The following ANXA11 variants were observed in gnomAD, a reference collection of about 807,000 sequenced individuals.
ANXA11 encodes annexin A11, also known as 56 kDa autoantigen.
Under a neutral mutation model 64.7 loss-of-function variants are expected in ANXA11, and 57 were observed. The ratio of observed to expected loss-of-function variants is 0.88; its 90% CI spans 0.71 to 1.10. The LOEUF (loss-of-function observed/expected upper bound fraction) is 1.10. Among genes scored for constraint, ANXA11 ranks in the 50% least tolerant of loss-of-function variants. ANXA11 has a pLI of 0.00. For missense variants in ANXA11, 675 were observed against 670.7 expected, an observed-to-expected ratio of 1.01 and a Z score of -0.07; for synonymous variants, 260 against 265.2, an observed-to-expected ratio of 0.98 and a Z score of 0.19.
At chr10:80,204,815 G>C (rs776923732) in intron 1 of ANXA11, 5 of 152,272 alleles carry the variant, frequency 3.3e-5, no homozygotes, top group Non-Finnish European at 7.3e-5. Flanking sequence ...ACACTGGGGA[G>C]AGTTCCTTAC....
intron 1 of ANXA11, among the ~76,000 whole-genome samples, chr10:80,202,128 C>G (rs936487280): frequency 1.4e-5 from 2 of 145,584 alleles, no homozygotes; most frequent in Non-Finnish European, 3.0e-5. Flanking sequence ...TCTCAAACCC[C>G]TTTGCAAACA....
intron 1 of ANXA11, among the ~76,000 whole-genome samples, chr10:80,203,582 C>T (rs767692959): frequency 2.6e-5 from 4 of 152,178 alleles, no homozygotes; most frequent in Non-Finnish European, 5.9e-5. Context: ...CTGAGTGCTG[C>T]CACCAAGAGG....
At chr10:80,168,671 C>G (rs2132409866) in intron 5 of ANXA11, among the ~76,000 whole-genome samples, 1 of 152,136 alleles carries the variant, frequency 6.6e-6, no homozygotes, top group Admixed American at 6.5e-5. Flanking sequence ...GTAGCTGGGC[C>G]TACAGGTATG....
chr10:80,168,863 C>G, intron 5 of ANXA11, 106 bp downstream of exon 5: 7 of 1,253,686 alleles, frequency 5.6e-6, no homozygotes, highest in Non-Finnish European at 7.4e-6. Flanking sequence ...ACAAGAAGTG[C>G]AGCTGGAGGC....
chr10:80,183,095 G>T (rs1846414339), intron 1 of ANXA11, among the ~76,000 whole-genome samples: 1 of 152,216 alleles, frequency 6.6e-6, no homozygotes, highest in Non-Finnish European at 1.5e-5. Flanking sequence ...CTGAGCTGAT[G>T]TGAGTGGCTC....
chr10:80,154,702 G>C lies in ANXA11; in HGVS notation c.*1151C>G, dbSNP rs1233462945. 2.0e-5 allele frequency: 3 copies of C among 152,240 alleles called. No individual in the cohort carries two copies. The highest frequency in any genetic ancestry group is 6.5e-5 in the Admixed American group (1 of 15,282). 9.4% of individuals were successfully genotyped at this position (152,240 alleles called of 1,614,324 possible). The stretch of plus-strand genomic sequence containing the variant: ...ACGGGCACAGGGTCCCCAGAGACCA[G>C]AGCCAGGAGCCCCTTTCAGCCTGGA... On this transcript the variant is annotated 3_prime_UTR_variant, in exon 16 of 16. Coordinates refer to ENST00000422982, the MANE Select transcript of ANXA11 (RefSeq NM_145868.2).
intron 8 of ANXA11, 125 bp from the exon 9 acceptor site, chr10:80,164,268 AC>A (rs1052033241): frequency 1.5e-6 from 1 of 688,288 alleles, no homozygotes; most frequent in African/African-American, 1.8e-5. Flanking sequence ...ACACAGAGAC[AC>A]ACCCTCCAGC....
intron 15 of ANXA11, chr10:80,157,032 G>C (rs1317816946): frequency 9.1e-6 from 9 of 985,320 alleles, no homozygotes; most frequent in Non-Finnish European, 8.4e-6. Flanking sequence ...CGATACAACT[G>C]TGGCTAGTGT....
intron 1 of ANXA11, among the ~76,000 whole-genome samples, chr10:80,203,039 T>C (rs1564631102): frequency 8.9e-6 from 1 of 112,174 alleles, no homozygotes; most frequent in South Asian, 3.2e-4. Flanking sequence ...GGGCGAAATC[T>C]GTCTCAAAAA....
rs113993110 is a variant in ANXA11 at position 80,164,619 on chromosome 10, G to C, written c.859-476C>G. 5.6e-3 allele frequency among the ~76,000 whole-genome samples: 859 copies of C among 152,334 alleles called. 12 individuals are homozygous for C. Among genetic ancestry groups the C allele is most frequent in the African/African-American group, 0.019 (810 of 41,570 alleles). On this transcript the variant is annotated intron_variant, in intron 8 of 15. Coordinates refer to ENST00000422982, the MANE Select transcript of ANXA11 (RefSeq NM_145868.2). ...AACTAGGAAAAGGTAGGAACAACAA[G>C]GATGAATCGGACAACCACGCCAGGG... is the stretch of plus-strand genomic sequence containing the variant.
At chr10:80,163,068 T>C (rs1478717679) in intron 11 of ANXA11, among the ~76,000 whole-genome samples, 1 of 152,174 alleles carries the variant, frequency 6.6e-6, no homozygotes, top group East Asian at 1.9e-4. Flanking sequence ...GAAAGTACGC[T>C]GTCACACAAA....
chr10:80,198,644 AGAAT>A (rs1840275667), intron 1 of ANXA11, among the ~76,000 whole-genome samples: 1 of 152,208 alleles, frequency 6.6e-6, no homozygotes, highest in African/African-American at 2.4e-5. Flanking sequence ...ACAGCCCTTG[AGAAT>A]GCTAGGGACA....
At position 80,183,715 on chromosome 10, in the gene ANXA11, T is replaced by C. The variant is rs144233779; in HGVS notation, c.-57-7560A>G. 3.3e-5 allele frequency among the ~76,000 whole-genome samples: 5 copies of C among 152,318 alleles called. No homozygotes were observed. In the East Asian group the frequency reaches 9.6e-4, roughly 29 times the overall value. ...TGGGCCCTGCCCTTGGCAACCTACT[T>C]GAAGACCCCTCCTCCAAGGGCAAAA... On this transcript the variant is annotated intron_variant, in intron 1 of 15. Coordinates refer to ENST00000422982, the MANE Select transcript of ANXA11 (RefSeq NM_145868.2).
intron 15 of ANXA11, chr10:80,156,278 G>A (rs1845272535): frequency 2.5e-6 from 1 of 394,244 alleles, no homozygotes; most frequent in Non-Finnish European, 5.0e-6. Context: ...ACAGTGTCCT[G>A]CTCAGGAAAT....
intron 1 of ANXA11, among the ~76,000 whole-genome samples, chr10:80,179,522 C>A (rs1846284045): frequency 1.3e-5 from 2 of 152,146 alleles, no homozygotes; most frequent in South Asian, 2.1e-4. Flanking sequence ...GACCTAGGCA[C>A]CCCCACAGTT....
At chr10:80,185,428 G>A (rs528950703) in intron 1 of ANXA11, among the ~76,000 whole-genome samples, 2 of 152,318 alleles carry the variant, frequency 1.3e-5, no homozygotes, top group African/African-American at 4.8e-5. Flanking sequence ...TTAGTTGCCC[G>A]AAAAGTTTAG....
At chr10:80,175,148 T>C (rs1043068085) in intron 2 of ANXA11, among the ~76,000 whole-genome samples, 1 of 152,172 alleles carries the variant, frequency 6.6e-6, no homozygotes, top group African/African-American at 2.4e-5. Context: ...CTGGGTGGGC[T>C]GTCAGTACAA....
Position 80,162,115 on chromosome 10 carries a change from AAGGTTTGAG to A in ANXA11, c.1087-96_1087-88del, listed in dbSNP as rs1231108730. On this transcript the variant is annotated intron_variant, in intron 11 of 15. Coordinates refer to ENST00000422982, the MANE Select transcript of ANXA11 (RefSeq NM_145868.2). ...CCCAGGAGAGCCTGGTAAACTTCTG[AAGGTTTGAG>A]CCTAAAGTATTTGCCAATTTGCAAC... The A allele has an allele frequency of 4.3e-6, 5 of 1,168,250 alleles. No homozygotes were observed. In the East Asian group the frequency reaches 1.2e-4, roughly 29 times the overall value. 72.4% of individuals were successfully genotyped at this position (1,168,250 alleles called of 1,614,324 possible). A position where few individuals can be genotyped will look rare whatever the true frequency, so the allele number is the denominator to read the frequency against.
chr10:80,157,212 A>AC (rs1419456927), intron 15 of ANXA11: 9 of 985,042 alleles, frequency 9.1e-6, no homozygotes, highest in Non-Finnish European at 1.1e-5. Flanking sequence ...AAGTGGCGTG[A>AC]CCCCCAGGGC....
Sources: gnomAD v4.1 joint callset for allele counts (sites outside exome capture counted in the v4.1 genomes callset) on GRCh38, gnomAD v4.1.1 for gene constraint, MANE v1.5 for transcripts, NCBI Gene and HGNC (gene_info 2026-07-23, HGNC 2026-07-21) for gene names.